The following DAB1 variants were observed in gnomAD, a reference collection of about 807,000 sequenced individuals.
DAB1 encodes the protein disabled homolog 1.
Under a neutral mutation model 64.6 loss-of-function variants are expected in DAB1, and 15 were observed. The ratio of observed to expected loss-of-function variants is 0.23; its 90% CI spans 0.16 to 0.36. The LOEUF is 0.36. DAB1 is among the 10% of genes least tolerant of loss of function. The pLI is 1.00. For missense variants in DAB1, 596 were observed against 706.7 expected (o/e 0.84, Z 1.78); for synonymous variants, 235 against 251.9 (o/e 0.93, Z 0.64).
At chr1:57,503,406 C>A (rs1340370220) in intron 7 of DAB1, among the ~76,000 whole-genome samples, 1 of 152,178 alleles carries the variant, frequency 6.6e-6, no homozygotes, top group Non-Finnish European at 1.5e-5. Context: ...GTTTGGGACC[C>A]TAAAAATCTC....
In DAB1 at chr1:57,766,405, A is replaced by G. The variant is rs187281824; in HGVS notation, n.552-116740T>C. On this transcript the variant is annotated intron_variant and non_coding_transcript_variant, in intron 6 of 20. Transcript: ENST00000485760. ...CACCAAAGTCGCCACTAACTCTCTCATCTCCTAATTTACCACTCTTTTTCT... is the reference window on the plus strand; with the variant it reads ...CACCAAAGTCGCCACTAACTCTCTCGTCTCCTAATTTACCACTCTTTTTCT... Among the ~76,000 whole-genome samples, 20 of 151,972 alleles carry G rather than the reference A, an allele frequency of 1.3e-4. No homozygotes were observed. The East Asian group carries it at 3.5e-3, about 26-fold the overall frequency.
chr1:58,534,598 C>T (rs752307788), intron 1 of DAB1, among the ~76,000 whole-genome samples: 1 of 152,218 alleles, frequency 6.6e-6, no homozygotes. Context: ...AAACTACAAA[C>T]GAATACTTAA....
chr1:58,530,055 G>C (rs1335829878), intron 1 of DAB1, among the ~76,000 whole-genome samples: 1 of 152,004 alleles, frequency 6.6e-6, no homozygotes, highest in Non-Finnish European at 1.5e-5. Context: ...TAATTTTTTT[G>C]TATTTTTAGT....
intron 6 of DAB1, among the ~76,000 whole-genome samples, chr1:57,740,069 C>T (rs1010970015): frequency 9.4e-6 from 1 of 106,910 alleles, no homozygotes; most frequent in Non-Finnish European, 2.1e-5. Context: ...AAAAAATTCG[C>T]CAGGCGTGGT....
upstream of DAB1, among the ~76,000 whole-genome samples, chr1:57,425,496 A>T (rs1685249874): frequency 6.6e-6 from 1 of 152,196 alleles, no homozygotes; most frequent in South Asian, 2.1e-4. Context: ...GGGCTGGTAC[A>T]TACAAAGTCA....
chr1:57,819,377 A>G, intron 6 of DAB1, among the ~76,000 whole-genome samples: 1 of 152,194 alleles, frequency 6.6e-6, no homozygotes, highest in East Asian at 1.9e-4. Flanking sequence ...GGTTAATCAA[A>G]CAGTATGTGC....
At chr1:57,095,634 A>G (rs906928506) in intron 4 of DAB1, among the ~76,000 whole-genome samples, 32 of 152,204 alleles carry the variant, frequency 2.1e-4, no homozygotes, top group African/African-American at 7.0e-4. Flanking sequence ...ATATTTTATT[A>G]CAGTCAAGAG....
intron 3 of DAB1, among the ~76,000 whole-genome samples, chr1:58,378,848 A>C (rs1344754896): frequency 5.2e-5 from 5 of 95,258 alleles, no homozygotes; most frequent in Non-Finnish European, 6.1e-5. Flanking sequence ...TGGGCGTAGG[A>C]CCCTCCGAGC....
chr1:58,460,602 A>G (rs1214828944), intron 3 of DAB1, among the ~76,000 whole-genome samples: 1 of 152,178 alleles, frequency 6.6e-6, no homozygotes, highest in East Asian at 1.9e-4. Context: ...TATTTCTCAT[A>G]ACTGTCTTAT....
intron 3 of DAB1, among the ~76,000 whole-genome samples, chr1:58,475,404 T>C (rs1645408840): frequency 6.6e-6 from 1 of 151,970 alleles, no homozygotes; most frequent in Admixed American, 6.6e-5. Flanking sequence ...TCAAGTGATC[T>C]ACCTGCCTCA....
intron 6 of DAB1, among the ~76,000 whole-genome samples, chr1:57,800,972 G>T (rs545047368): frequency 6.6e-6 from 1 of 152,246 alleles, no homozygotes; most frequent in African/African-American, 2.4e-5. Context: ...GCTTGAAATT[G>T]GTGCTAAAAT....
chr1:57,401,107 A>C (rs1479701841), intron 1 of DAB1, among the ~76,000 whole-genome samples: 2 of 152,162 alleles, frequency 1.3e-5, no homozygotes, highest in African/African-American at 4.8e-5. Context: ...ATAAGTATAA[A>C]AGCATTCAAT....
intron 5 of DAB1, among the ~76,000 whole-genome samples, chr1:58,124,796 C>G (rs149232808): frequency 6.6e-6 from 1 of 152,100 alleles, no homozygotes; most frequent in East Asian, 1.9e-4. Flanking sequence ...AGAATTATAA[C>G]GTCACATTCC....
At chr1:57,252,562 T>C (rs755607994) in intron 2 of DAB1, among the ~76,000 whole-genome samples, 7 of 152,226 alleles carry the variant, frequency 4.6e-5, no homozygotes, top group Non-Finnish European at 8.8e-5. Context: ...AACAGTTAAT[T>C]TGTACCTACT....
intron 2 of DAB1, among the ~76,000 whole-genome samples, chr1:57,204,543 A>G (rs1665385386): frequency 6.6e-6 from 1 of 152,104 alleles, no homozygotes; most frequent in African/African-American, 2.4e-5. Context: ...TGGATCTAAA[A>G]TATCAAGGAA....
intron 5 of DAB1, among the ~76,000 whole-genome samples, chr1:57,990,543 C>A (rs964178359): frequency 6.6e-6 from 1 of 152,174 alleles, no homozygotes; most frequent in Non-Finnish European, 1.5e-5. Flanking sequence ...TGAAAGGCAC[C>A]CAGTGTTTAA....
At chr1:57,949,361 G>A (rs890237652) in intron 5 of DAB1, among the ~76,000 whole-genome samples, 1 of 152,186 alleles carries the variant, frequency 6.6e-6, no homozygotes, top group Admixed American at 6.6e-5. Context: ...TTGCTCATCA[G>A]GCTCTCACCT....
rs376167645 is a variant in DAB1 at position 58,527,273 on chromosome 1, C to A, written n.95G>T. On this transcript the variant is annotated non_coding_transcript_exon_variant, in exon 2 of 21. Transcript: ENST00000485760. ...CTAAACACTTTACCTTTGCAGCAAG[C>A]AGTAGTCCAATTTTGTCAGCTTCGG... The A allele has an allele frequency of 5.7e-6, 5 of 872,160 alleles. No homozygotes were observed. In the African/African-American group the frequency reaches 6.5e-5, roughly 11 times the overall value. 54.0% of individuals were successfully genotyped at this position (872,160 alleles called of 1,614,324 possible).
chr1:58,515,764 G>A (rs926122714), intron 2 of DAB1, among the ~76,000 whole-genome samples: 1 of 152,084 alleles, frequency 6.6e-6, no homozygotes, highest in Non-Finnish European at 1.5e-5. Flanking sequence ...AGAACTAAGG[G>A]TCTTCCTACT....
Sources: allele counts gnomAD v4.1 joint callset (sites outside exome capture counted in the v4.1 genomes callset), GRCh38; gene constraint gnomAD v4.1.1; transcripts MANE v1.5; gene names NCBI Gene and HGNC (gene_info 2026-07-23, HGNC 2026-07-21).